Variants in CNTNAP2 observed in about 807,000 individuals in gnomAD.
CNTNAP2 encodes contactin-associated protein-like 2.
CNTNAP2 carries 98 observed loss-of-function variants against 155.2 expected under a neutral mutation model. The ratio of observed to expected loss-of-function variants is 0.63; its 90% confidence interval spans 0.54 to 0.75. The LOEUF (loss-of-function observed/expected upper bound fraction) is 0.75. Among genes scored for constraint, CNTNAP2 ranks in the 30% least tolerant of loss-of-function variants. The probability of loss-of-function intolerance (pLI) is 0.00; values close to 1 mark genes in which losing one functional copy is unlikely to be tolerated. For synonymous variants in CNTNAP2, 651 were observed against 631.2 expected, an observed-to-expected ratio of 1.03 and a Z score of -0.47; for missense variants, 1,727 against 1,688.1, an observed-to-expected ratio of 1.02 and a Z score of -0.40.
At chr7:146,942,489 A>G (rs560006224) in intron 3 of CNTNAP2, among the ~76,000 whole-genome samples, 6 of 152,310 alleles carry the variant, frequency 3.9e-5, no homozygotes, top group Admixed American at 3.3e-4. Flanking sequence ...GAAAAACAGA[A>G]AATGTTTCAA....
In CNTNAP2 at chr7:147,524,565, G is replaced by A. The variant is rs145280618; in HGVS notation, c.1778-37573G>A. Among the ~76,000 whole-genome samples, 20 of 152,342 alleles carry A rather than the reference G, an allele frequency of 1.3e-4. No individual in the cohort carries two copies. The East Asian group carries it at 2.5e-3, about 19-fold the overall frequency. Reference sequence around the variant, plus strand: ...GTGACAAGAACTGACTTAGAGGAGCGTGGCTGTCTTCTAATTCAGGGACTC... The same window carrying A: ...GTGACAAGAACTGACTTAGAGGAGCATGGCTGTCTTCTAATTCAGGGACTC... On this transcript the variant is annotated intron_variant, in intron 11 of 23. Transcript: ENST00000361727.
intron 1 of CNTNAP2, among the ~76,000 whole-genome samples, chr7:146,222,658 ATTT>A (rs11461655): frequency 7.2e-6 from 1 of 138,810 alleles, no homozygotes. Context: ...GAAAAGGTAA[ATTT>A]TTTTTTTTTT....
intron 21 of CNTNAP2, among the ~76,000 whole-genome samples, chr7:148,315,159 T>C (rs1797665562): frequency 6.6e-6 from 1 of 152,192 alleles, no homozygotes; most frequent in South Asian, 2.1e-4. Context: ...GGACAGGGGA[T>C]TGATCTCCTA....
intron 15 of CNTNAP2, among the ~76,000 whole-genome samples, chr7:148,052,394 G>T (rs1424430001): frequency 6.7e-6 from 1 of 148,154 alleles, no homozygotes; most frequent in Non-Finnish European, 1.5e-5. Context: ...GAATTGTTCA[G>T]TAAAGGTGTA....
intron 3 of CNTNAP2, among the ~76,000 whole-genome samples, chr7:146,906,532 GCAGGGGCA>G (rs1796132138): frequency 6.6e-6 from 1 of 152,022 alleles, no homozygotes; most frequent in Admixed American, 6.5e-5. Context: ...GCACCCCCCA[GCAGGGGCA>G]CACTGACACC....
chr7:147,018,125 G>C (rs1798756069), intron 3 of CNTNAP2, among the ~76,000 whole-genome samples: 1 of 152,074 alleles, frequency 6.6e-6, no homozygotes, highest in African/African-American at 2.4e-5. Context: ...TCTTCAGTAT[G>C]ATAAGGCACT....
At chr7:146,971,208 T>TAA (rs58719268) in intron 3 of CNTNAP2, among the ~76,000 whole-genome samples, 8 of 151,010 alleles carry the variant, frequency 5.3e-5, no homozygotes, top group Admixed American at 1.3e-4. Flanking sequence ...AAAGTATAAT[T>TAA]AAAAAAAAAG....
intron 1 of CNTNAP2, among the ~76,000 whole-genome samples, chr7:146,413,285 A>G (rs751078378): frequency 9.2e-5 from 14 of 152,138 alleles, no homozygotes; most frequent in Non-Finnish European, 1.9e-4. Flanking sequence ...CACTTTCTCA[A>G]TCCTGTTTGG....
At chr7:147,973,780 T>A (rs1025056061) in intron 14 of CNTNAP2, among the ~76,000 whole-genome samples, 1 of 152,170 alleles carries the variant, frequency 6.6e-6, no homozygotes, top group Non-Finnish European at 1.5e-5. Flanking sequence ...AGACGAAAAG[T>A]CCAAGGAGGG....
At chr7:147,627,474 G>A (rs370112989) in intron 12 of CNTNAP2, among the ~76,000 whole-genome samples, 10 of 151,880 alleles carry the variant, frequency 6.6e-5, no homozygotes, top group African/African-American at 2.4e-4. Flanking sequence ...GAGGCAGGTG[G>A]ATCATGAGGT....
intron 13 of CNTNAP2, among the ~76,000 whole-genome samples, chr7:147,837,906 G>A (rs1196662898): frequency 2.6e-5 from 4 of 152,156 alleles, no homozygotes; most frequent in Non-Finnish European, 5.9e-5. Flanking sequence ...GCTTTCATGG[G>A]CTGGCATTGG....
intron 4 of CNTNAP2, among the ~76,000 whole-genome samples, chr7:147,106,458 A>C (rs1800767198): frequency 6.6e-6 from 1 of 152,096 alleles, no homozygotes; most frequent in Non-Finnish European, 1.5e-5. Flanking sequence ...TTTTTCCCTC[A>C]TATTAAAATA....
At chr7:146,337,309 A>AT in intron 1 of CNTNAP2, among the ~76,000 whole-genome samples, 1 of 152,070 alleles carries the variant, frequency 6.6e-6, no homozygotes, top group Admixed American at 6.5e-5. Context: ...CATAAAAAAA[A>AT]AAAAACAAAC....
chr7:146,186,016 C>A lies in CNTNAP2; in HGVS notation c.97+69043C>A, dbSNP rs183840288. On this transcript the variant is annotated intron_variant, in intron 1 of 23. Coordinates refer to ENST00000361727, the MANE Select transcript of CNTNAP2 (RefSeq NM_014141.6). ...GAGGTGTTAAAATTGTTTCTCTCAA[C>A]TTGTTTGGCAATTGCTGACAATTAT... 2.0e-3 allele frequency among the ~76,000 whole-genome samples: 307 copies of A among 151,990 alleles called. 4 individuals carry two copies. The highest frequency in any genetic ancestry group is 4.4e-4 in the Non-Finnish European group (30 of 67,966).
At chr7:147,497,825 A>T (rs1798736947) in intron 11 of CNTNAP2, among the ~76,000 whole-genome samples, 1 of 152,162 alleles carries the variant, frequency 6.6e-6, no homozygotes, top group South Asian at 2.1e-4. Context: ...CAGGTTCCTA[A>T]ATTACCTGAA....
intron 15 of CNTNAP2, among the ~76,000 whole-genome samples, chr7:148,004,539 A>G (rs1267624622): frequency 6.6e-6 from 1 of 152,180 alleles, no homozygotes; most frequent in Admixed American, 6.6e-5. Flanking sequence ...GTTCATTTAC[A>G]TACAAGTTCC....
chr7:147,807,771 A>T (rs1798114834), intron 13 of CNTNAP2, among the ~76,000 whole-genome samples: 1 of 152,186 alleles, frequency 6.6e-6, no homozygotes, highest in African/African-American at 2.4e-5. Context: ...CATGAGTGAG[A>T]GCTTCTAATA....
chr7:147,741,730 GT>G (rs202031384), intron 13 of CNTNAP2, among the ~76,000 whole-genome samples: 1,664 of 152,184 alleles, frequency 0.011, 94 homozygotes, highest in Admixed American at 0.087. Context: ...CCTCAAAAAA[GT>G]TTTTTGTTAT....
intron 4 of CNTNAP2, among the ~76,000 whole-genome samples, chr7:147,096,103 A>G (rs779569815): frequency 1.1e-4 from 17 of 152,246 alleles, no homozygotes; most frequent in Non-Finnish European, 2.1e-4. Context: ...AGGCAGATAC[A>G]TACTGGTTAT....
Sources: gnomAD v4.1 joint callset for allele counts (sites outside exome capture counted in the v4.1 genomes callset) on GRCh38, gnomAD v4.1.1 for gene constraint, MANE v1.5 for transcripts, NCBI Gene and HGNC (gene_info 2026-07-23, HGNC 2026-07-21) for gene names.